The following MACROD2 variants were observed in gnomAD, a reference collection of about 807,000 sequenced individuals.
MACROD2 encodes ADP-ribose glycohydrolase MACROD2.
In MACROD2, 36 loss-of-function variants were observed where a neutral mutation model predicts 70.4. The observed-to-expected ratio is 0.51, with a 90% CI of 0.39 to 0.68. MACROD2 has a LOEUF of 0.68. MACROD2 is among the 30% of genes least tolerant of loss of function. MACROD2 has a pLI of 0.00. For synonymous variants in MACROD2, 172 were observed against 178.8 expected, an observed-to-expected ratio of 0.96 and a Z score of 0.30; for missense variants, 496 against 538.4, an observed-to-expected ratio of 0.92 and a Z score of 0.78.
intron 4 of MACROD2, 82 bp downstream of exon 4, chr20:14,493,590 T>G (rs1382502227): frequency 8.6e-7 from 1 of 1,159,350 alleles, no homozygotes; most frequent in African/African-American, 1.5e-5. Context: ...TCTGTGACAC[T>G]TAAAAGAAAA....
intron 3 of MACROD2, among the ~76,000 whole-genome samples, chr20:14,418,155 C>G (rs2083832307): frequency 2.6e-5 from 4 of 152,152 alleles, no homozygotes; most frequent in African/African-American, 7.2e-5. Flanking sequence ...CTGTCATACC[C>G]TGTGATGAAC....
chr20:14,651,992 T>G (rs1177766945), intron 4 of MACROD2, among the ~76,000 whole-genome samples: 1 of 152,144 alleles, frequency 6.6e-6, no homozygotes, highest in African/African-American at 2.4e-5. Context: ...AGGGGCTTAG[T>G]TATATGCTAA....
intron 8 of MACROD2, among the ~76,000 whole-genome samples, chr20:15,519,104 TTCC>T (rs2047612034): frequency 6.7e-6 from 1 of 149,038 alleles, no homozygotes; most frequent in African/African-American, 2.5e-5. Context: ...CCTTCCTTCC[TTCC>T]TTCCTTCCTT....
At chr20:15,181,551 T>C (rs1377613601) in intron 5 of MACROD2, among the ~76,000 whole-genome samples, 1 of 152,234 alleles carries the variant, frequency 6.6e-6, no homozygotes, top group Non-Finnish European at 1.5e-5. Context: ...AGAAAGTGTG[T>C]GTGTGTTTTC....
intron 2 of MACROD2, among the ~76,000 whole-genome samples, chr20:14,030,944 G>A (rs2053239646): frequency 6.6e-6 from 1 of 152,174 alleles, no homozygotes; most frequent in Non-Finnish European, 1.5e-5. Context: ...GATAGGCATA[G>A]ATATATCGTT....
At chr20:15,538,437 C>G (rs2047906585) in intron 8 of MACROD2, among the ~76,000 whole-genome samples, 1 of 152,132 alleles carries the variant, frequency 6.6e-6, no homozygotes, top group Non-Finnish European at 1.5e-5. Flanking sequence ...TCTATTAACC[C>G]CTTTTTAGAA....
intron 12 of MACROD2, among the ~76,000 whole-genome samples, chr20:15,964,344 C>T (rs757201577): frequency 8.5e-5 from 13 of 152,094 alleles, no homozygotes; most frequent in Non-Finnish European, 1.5e-4. Flanking sequence ...CCAGCAGATT[C>T]GGTATCTGGT....
At chr20:14,833,819 A>G (rs2072998531) in intron 5 of MACROD2, among the ~76,000 whole-genome samples, 1 of 152,092 alleles carries the variant, frequency 6.6e-6, no homozygotes, top group African/African-American at 2.4e-5. Flanking sequence ...CATAAAGACT[A>G]TTTCAACTTA....
chr20:15,072,404 G>A (rs949482212), intron 5 of MACROD2, among the ~76,000 whole-genome samples: 6 of 152,146 alleles, frequency 3.9e-5, no homozygotes, highest in African/African-American at 9.7e-5. Context: ...GATAGTAGAG[G>A]CCTATAATTG....
chr20:14,856,817 C>T (rs2073259705), intron 5 of MACROD2, among the ~76,000 whole-genome samples: 1 of 152,020 alleles, frequency 6.6e-6, no homozygotes, highest in South Asian at 2.1e-4. Flanking sequence ...GGGATGGTTG[C>T]CGCCACCATC....
intron 5 of MACROD2, among the ~76,000 whole-genome samples, chr20:15,114,588 G>A (rs544028074): frequency 1.3e-5 from 2 of 152,304 alleles, no homozygotes; most frequent in African/African-American, 4.8e-5. Flanking sequence ...ACACAGCTTG[G>A]CTGACACTTT....
At chr20:15,407,365 C>G (rs1160448700) in intron 6 of MACROD2, among the ~76,000 whole-genome samples, 1 of 152,154 alleles carries the variant, frequency 6.6e-6, no homozygotes, top group Non-Finnish European at 1.5e-5. Context: ...GATGGAGCAC[C>G]AGCAGCCACA....
At chr20:15,826,892 T>C (rs999298459) in intron 8 of MACROD2, among the ~76,000 whole-genome samples, 52 of 152,244 alleles carry the variant, frequency 3.4e-4, no homozygotes, top group African/African-American at 1.2e-3. Context: ...ATATGAACTT[T>C]AGCTCTTACA....
chr20:14,257,953 T>C (rs1030986928), intron 3 of MACROD2, among the ~76,000 whole-genome samples: 3 of 152,210 alleles, frequency 2.0e-5, no homozygotes, highest in African/African-American at 7.2e-5. Flanking sequence ...TCCTCATAGC[T>C]TGGCTCCCAT....
intron 5 of MACROD2, among the ~76,000 whole-genome samples, chr20:14,888,846 T>C (rs1162241169): frequency 2.0e-5 from 3 of 152,194 alleles, no homozygotes; most frequent in Non-Finnish European, 4.4e-5. Context: ...TTTGGTAGCA[T>C]GATGAGTAAT....
chr20:14,437,607 T>C (rs1180858090), intron 3 of MACROD2, among the ~76,000 whole-genome samples: 1 of 152,156 alleles, frequency 6.6e-6, no homozygotes, highest in Non-Finnish European at 1.5e-5. Flanking sequence ...AAAAAAATTT[T>C]TTTCTCATTA....
chr20:14,930,249 C>T (rs188107988), intron 5 of MACROD2, among the ~76,000 whole-genome samples: 24 of 151,656 alleles, frequency 1.6e-4, no homozygotes, highest in Admixed American at 4.6e-4. Context: ...ACAATCAATA[C>T]GTACTTTTTA....
At chr20:14,138,006 C>T (rs1255671003) in intron 3 of MACROD2, among the ~76,000 whole-genome samples, 2 of 152,108 alleles carry the variant, frequency 1.3e-5, no homozygotes, top group Non-Finnish European at 2.9e-5. Flanking sequence ...AGTTATATTA[C>T]AAGGTGCTCA....
At chr20:14,612,643 TGTGTTA>T (rs1434830824) in intron 4 of MACROD2, among the ~76,000 whole-genome samples, 2 of 152,050 alleles carry the variant, frequency 1.3e-5, no homozygotes, top group Non-Finnish European at 2.9e-5. Context: ...CCTATAACAT[TGTGTTA>T]GTGTGGAATT....
Sources: allele counts gnomAD v4.1 joint callset (sites outside exome capture counted in the v4.1 genomes callset), GRCh38; gene constraint gnomAD v4.1.1; transcripts MANE v1.5; gene names NCBI Gene and HGNC (gene_info 2026-07-23, HGNC 2026-07-21).